The following DAAM1 variants were observed in gnomAD, a reference collection of about 807,000 sequenced individuals.
DAAM1 encodes dishevelled associated activator of morphogenesis 1.
A neutral mutation model predicts 130.0 loss-of-function variants in DAAM1; 52 were observed. The ratio of observed to expected loss-of-function variants is 0.40; its 90% CI spans 0.32 to 0.50. DAAM1 has a LOEUF of 0.50. Ranked by LOEUF, DAAM1 falls within the 20% of genes least tolerant of loss-of-function variation. The probability of loss-of-function intolerance (pLI) is 0.61; values close to 1 mark genes in which losing one functional copy is unlikely to be tolerated. For missense variants in DAAM1, 1,134 were observed against 1,303.8 expected (o/e 0.87, Z 2.01); for synonymous variants, 452 against 444.5 (o/e 1.02, Z -0.21).
intron 21 of DAAM1, 41 bp downstream of exon 21, chr14:59,359,545 G>T: frequency 6.6e-7 from 1 of 1,509,020 alleles, no homozygotes; most frequent in Non-Finnish European, 9.2e-7. Context: ...AAATCACTTG[G>T]ATTGTGTGTT....
chr14:59,345,346 TATA>T (rs1192932603), intron 16 of DAAM1, among the ~76,000 whole-genome samples: 2 of 152,194 alleles, frequency 1.3e-5, no homozygotes, highest in Non-Finnish European at 2.9e-5. Flanking sequence ...GCGTAGGGGT[TATA>T]ATGGCAACAC....
rs1888428190 is a variant in DAAM1, at chr14:59,211,631, C to T, written c.-38+22863C>T. Among the ~76,000 whole-genome samples the T allele has an allele frequency of 4.6e-5, 7 of 152,204 alleles. 1 individual carries two copies. The Middle Eastern group carries it at 0.014, about 298-fold the overall frequency. On this transcript the variant is annotated intron_variant, in intron 1 of 24. Coordinates refer to ENST00000360909, the MANE Select transcript of DAAM1 (RefSeq NM_001270520.2). ...GATGATTGGACTCTACACAATTGACCGAAGGAACAGAATTTCCAAGAGTGT... is the reference window on the plus strand; with the variant it reads ...GATGATTGGACTCTACACAATTGACTGAAGGAACAGAATTTCCAAGAGTGT...
chr14:59,271,015 A>G (rs183262719), intron 2 of DAAM1, among the ~76,000 whole-genome samples: 51 of 152,338 alleles, frequency 3.3e-4, no homozygotes, highest in African/African-American at 1.1e-3. Flanking sequence ...TTTCATTTCT[A>G]ATACACTACA....
At chr14:59,305,205 G>A (rs978681365) in intron 3 of DAAM1, among the ~76,000 whole-genome samples, 31 of 152,344 alleles carry the variant, frequency 2.0e-4, no homozygotes, top group African/African-American at 7.5e-4. Context: ...ATGGTGACAT[G>A]TGGATCAAAG....
chr14:59,339,300 G>A (rs775202568), intron 15 of DAAM1, among the ~76,000 whole-genome samples: 1 of 152,156 alleles, frequency 6.6e-6, no homozygotes, highest in Non-Finnish European at 1.5e-5. Context: ...GATTCTCACT[G>A]CTAATGAAAT....
At chr14:59,353,612 CT>C (rs1352263215) in intron 18 of DAAM1, among the ~76,000 whole-genome samples, 3 of 152,190 alleles carry the variant, frequency 2.0e-5, no homozygotes, top group African/African-American at 7.2e-5. Flanking sequence ...CTCCCACTTT[CT>C]TTTAGCAGTT....
chr14:59,328,567 C>T (rs914003347), intron 12 of DAAM1, among the ~76,000 whole-genome samples: 2 of 152,202 alleles, frequency 1.3e-5, no homozygotes, highest in Non-Finnish European at 2.9e-5. Context: ...TCAGCTCTCC[C>T]CCTTTCTCAC....
At chr14:59,322,713 G>C (rs1242902503) in intron 5 of DAAM1, among the ~76,000 whole-genome samples, 179 bp from the exon 6 acceptor site, 1 of 152,054 alleles carries the variant, frequency 6.6e-6, no homozygotes, top group African/African-American at 2.4e-5. Context: ...CTTTTGGTTA[G>C]AACTGACTAT....
intron 1 of DAAM1, among the ~76,000 whole-genome samples, chr14:59,200,394 T>C (rs1214037815): frequency 6.6e-6 from 1 of 152,164 alleles, no homozygotes; most frequent in Non-Finnish European, 1.5e-5. Flanking sequence ...CATGACAGCT[T>C]ATCTCAAATC....
chr14:59,255,379 T>C (rs1253590359), intron 1 of DAAM1, among the ~76,000 whole-genome samples: 1 of 152,198 alleles, frequency 6.6e-6, no homozygotes, highest in Non-Finnish European at 1.5e-5. Context: ...CTTTAGACTA[T>C]ATCCCGTGAT....
intron 15 of DAAM1, chr14:59,338,481 T>G: frequency 1.3e-6 from 2 of 1,563,740 alleles, no homozygotes; most frequent in Non-Finnish European, 1.8e-6. Flanking sequence ...TTGAAATCTC[T>G]TCGTTATCCA....
intron 2 of DAAM1, among the ~76,000 whole-genome samples, chr14:59,278,717 G>A (rs1204677730): frequency 6.6e-6 from 1 of 152,048 alleles, no homozygotes; most frequent in African/African-American, 2.4e-5. Flanking sequence ...TGGCCTAAAT[G>A]GAATACACAC....
intron 3 of DAAM1, among the ~76,000 whole-genome samples, chr14:59,308,438 G>T (rs1034814847): frequency 6.6e-6 from 1 of 152,164 alleles, no homozygotes; most frequent in Non-Finnish European, 1.5e-5. Context: ...ATTCCATGCA[G>T]TTCCCAGGGA....
At chr14:59,192,185 TG>T (rs1887753778) in intron 1 of DAAM1, among the ~76,000 whole-genome samples, 1 of 151,176 alleles carries the variant, frequency 6.6e-6, no homozygotes, top group Non-Finnish European at 1.5e-5. Context: ...TGTGTGTGTG[TG>T]TGTGTGTGGT....
At chr14:59,198,011 G>A (rs1363082756) in intron 1 of DAAM1, among the ~76,000 whole-genome samples, 1 of 152,146 alleles carries the variant, frequency 6.6e-6, no homozygotes, top group Non-Finnish European at 1.5e-5. Flanking sequence ...AGTAGGTAGA[G>A]GGGAGGACAG....
At chr14:59,275,966 C>G (rs140367922) in intron 2 of DAAM1, among the ~76,000 whole-genome samples, 3,198 of 152,276 alleles carry the variant, frequency 0.021, 44 homozygotes, top group Non-Finnish European at 0.031. Flanking sequence ...GGTTTGTTCT[C>G]TGTGTTTACC....
intron 5 of DAAM1, among the ~76,000 whole-genome samples, 180 bp downstream of exon 5, chr14:59,320,764 G>C (rs1884975453): frequency 6.6e-6 from 1 of 151,762 alleles, no homozygotes; most frequent in African/African-American, 2.4e-5. Context: ...GCAGCCACTA[G>C]GATGGCTAAA....
At position 59,331,379 on chromosome 14, in the gene DAAM1, C is replaced by G; in HGVS notation, c.1731C>G (p.Pro577=). The G allele has an allele frequency of 6.2e-7, 1 of 1,613,350 alleles. No individual in the cohort carries two copies. The highest frequency in any genetic ancestry group is 1.7e-5 in the Admixed American group (1 of 60,010). The part of the protein sequence containing the change: ...PPLPPGGPPP[P]PGPPPLGAIM... ...TCCCTCCAGGTGGCCCTCCTCCTCC[C>G]CCAGGGCCTCCTCCCTTAGGGGCAA... Residue 577 remains proline, a synonymous_variant, in exon 14 of 25, where the codon CCC becomes CCG. Transcript: ENST00000360909.
At chr14:59,299,086 G>A (rs1010399761) in intron 3 of DAAM1, among the ~76,000 whole-genome samples, 1 of 152,302 alleles carries the variant, frequency 6.6e-6, no homozygotes, top group Non-Finnish European at 1.5e-5. Flanking sequence ...TTCTGGTTCT[G>A]TAGAGTCCTC....
Sources: allele counts gnomAD v4.1 joint callset (sites outside exome capture counted in the v4.1 genomes callset), GRCh38; gene constraint gnomAD v4.1.1; transcripts MANE v1.5; gene names NCBI Gene and HGNC (gene_info 2026-07-23, HGNC 2026-07-21).